The following NEDD9 variants were observed in gnomAD, a reference collection of about 807,000 sequenced individuals.
NEDD9 encodes enhancer of filamentation 1.
In NEDD9, 26 loss-of-function variants were observed where a neutral mutation model predicts 76.6. The observed-to-expected ratio is 0.34, with a 90% confidence interval of 0.25 to 0.47. The LOEUF (loss-of-function observed/expected upper bound fraction) is 0.47. Among genes scored for constraint, NEDD9 ranks in the 20% least tolerant of loss-of-function variants. NEDD9 has a pLI of 1.00. For synonymous variants in NEDD9, 392 were observed against 414.2 expected (o/e 0.95, Z 0.65); for missense variants, 937 against 1,058.5 (o/e 0.89, Z 1.59).
chr6:11,339,486 A>G (rs1762231125), intron 1 of NEDD9, among the ~76,000 whole-genome samples: 1 of 151,970 alleles, frequency 6.6e-6, no homozygotes, highest in Non-Finnish European at 1.5e-5. Context: ...CTCTATGAAA[A>G]CCTACTTTTC....
intron 1 of NEDD9, among the ~76,000 whole-genome samples, chr6:11,354,848 G>A (rs1289967874): frequency 6.6e-6 from 1 of 152,096 alleles, no homozygotes; most frequent in Non-Finnish European, 1.5e-5. Context: ...TTTTACAAAA[G>A]CTACTGGGGA....
At chr6:11,236,702 A>G (rs1396619747), upstream of NEDD9, among the ~76,000 whole-genome samples, 1 of 152,124 alleles carries the variant, frequency 6.6e-6, no homozygotes, top group Admixed American at 6.5e-5. The surrounding 1 kb of genome is among the most constrained non-coding windows in gnomAD (Gnocchi z 5.5). Context: ...TATTCTAATG[A>G]TTTCTTTTTA....
intron 3 of NEDD9, among the ~76,000 whole-genome samples, chr6:11,294,029 GTA>G (rs1372905550): frequency 3.5e-4 from 53 of 152,106 alleles, no homozygotes; most frequent in African/African-American, 1.1e-3. Flanking sequence ...GTGTATGTGT[GTA>G]TGTGTGTGTG....
At chr6:11,351,411 C>T (rs1218719270) in intron 1 of NEDD9, among the ~76,000 whole-genome samples, 1 of 151,994 alleles carries the variant, frequency 6.6e-6, no homozygotes, top group African/African-American at 2.4e-5. Flanking sequence ...GACATATTGC[C>T]CCTGAAAATA....
At chr6:11,264,869 G>GCTTC (rs1554128896) in intron 3 of NEDD9, among the ~76,000 whole-genome samples, 1 of 151,970 alleles carries the variant, frequency 6.6e-6, no homozygotes, top group Non-Finnish European at 1.5e-5. Context: ...TTGTTTGTTT[G>GCTTC]TTTCTTTTTT....
intron 1 of NEDD9, among the ~76,000 whole-genome samples, chr6:11,226,263 T>A (rs9942490): frequency 6.6e-6 from 1 of 151,948 alleles, no homozygotes; most frequent in Admixed American, 6.6e-5. Flanking sequence ...GGGTTTTTTT[T>A]TGTGTGTGTG....
intron 2 of NEDD9, chr6:11,200,208 C>G (rs1262279832): frequency 2.3e-6 from 1 of 431,008 alleles, no homozygotes. Flanking sequence ...AAACCACCCC[C>G]GACTTTGGGT....
chr6:11,290,215 G>A (rs1760735888), intron 3 of NEDD9, among the ~76,000 whole-genome samples: 2 of 152,140 alleles, frequency 1.3e-5, no homozygotes, highest in African/African-American at 2.4e-5. Flanking sequence ...ACATTTGCTC[G>A]GAACTATGAG....
chr6:11,295,708 T>A (rs1283492810), intron 3 of NEDD9, among the ~76,000 whole-genome samples: 1 of 152,106 alleles, frequency 6.6e-6, no homozygotes, highest in Non-Finnish European at 1.5e-5. Context: ...CTTGCTGGGG[T>A]CTTTATCCTG....
rs568536311 is a variant in NEDD9, at chr6:11,228,631, C to T, written c.12+3873G>A. 2.2e-3 allele frequency among the ~76,000 whole-genome samples: 335 copies of T among 151,858 alleles called. 1 individual carries two copies. The highest frequency in any genetic ancestry group is 7.2e-3 in the African/African-American group (298 of 41,378). ...ACTGAATTCTGAGAACAGGGACTGA[C>T]GTGTATCCCAGCAAGGAAAGGATGC... On this transcript the variant is annotated intron_variant, in intron 1 of 6. Coordinates refer to ENST00000379446, the MANE Select transcript of NEDD9 (RefSeq NM_006403.4).
intron 1 of NEDD9, among the ~76,000 whole-genome samples, chr6:11,353,297 A>C (rs1323995959): frequency 1.3e-5 from 2 of 152,228 alleles, no homozygotes; most frequent in Non-Finnish European, 2.9e-5. Flanking sequence ...TGCAGATTTC[A>C]TCAAGTTAAG....
intron 3 of NEDD9, among the ~76,000 whole-genome samples, chr6:11,273,040 G>C (rs1331579843): frequency 6.6e-6 from 1 of 151,960 alleles, no homozygotes; most frequent in Non-Finnish European, 1.5e-5. Context: ...CCGTCACATA[G>C]CTCTGCTTGT....
At chr6:11,325,804 G>T (rs1212609031) in intron 2 of NEDD9, among the ~76,000 whole-genome samples, 1 of 152,158 alleles carries the variant, frequency 6.6e-6, no homozygotes, top group Non-Finnish European at 1.5e-5. Flanking sequence ...ACATTAAAAA[G>T]GAGTCATTTT....
chr6:11,246,973 G>A (rs1051440342), intron 3 of NEDD9, among the ~76,000 whole-genome samples: 12 of 152,034 alleles, frequency 7.9e-5, no homozygotes, highest in African/African-American at 2.7e-4. Context: ...CAAGATAAAG[G>A]CTGCTTGTGA....
Position 11,184,871 on chromosome 6 carries a change from T to G in NEDD9, c.*291A>C. ...TTTAATGAAATGCATCAGACAAACA[T>G]CTACAAACAAACATGAATACATGGG... On this transcript the variant is annotated 3_prime_UTR_variant, in exon 7 of 7. Transcript: ENST00000379446. 3.9e-6 allele frequency: 1 copy of G among 256,624 alleles called. No homozygotes were observed. The highest frequency in any genetic ancestry group is 7.4e-6 in the Non-Finnish European group (1 of 134,770). The allele number at this position is 256,624 out of a possible 1,614,324, so 15.9% of individuals were successfully genotyped here.
chr6:11,195,338 A>C (rs1758264590), intron 2 of NEDD9, among the ~76,000 whole-genome samples: 1 of 152,228 alleles, frequency 6.6e-6, no homozygotes, highest in African/African-American at 2.4e-5. Flanking sequence ...GTTGGCATGG[A>C]GCATACGGAA....
chr6:11,293,100 G>A lies in NEDD9; in HGVS notation c.12+12892C>T, dbSNP rs868624501. 1.5e-4 allele frequency among the ~76,000 whole-genome samples: 23 copies of A among 152,182 alleles called. 2 individuals are homozygous for A. The highest frequency in any genetic ancestry group is 5.1e-4 in the African/African-American group (21 of 41,538). ...CACTTGTAGTTTGTAATCATTCACT[G>A]CCAATGAACTATTTGCTGTAAAAAG... On this transcript the variant is annotated intron_variant, in intron 3 of 3. Coordinates refer to the NEDD9 transcript ENST00000397378.
intron 2 of NEDD9, among the ~76,000 whole-genome samples, chr6:11,204,952 C>T (rs1051416934): frequency 5.9e-5 from 9 of 152,106 alleles, no homozygotes; most frequent in African/African-American, 2.2e-4. Flanking sequence ...TGAGGCTACT[C>T]CCTGGACCTG....
intron 3 of NEDD9, among the ~76,000 whole-genome samples, chr6:11,238,255 G>T (rs1408547308): frequency 6.6e-6 from 1 of 152,212 alleles, no homozygotes; most frequent in East Asian, 1.9e-4. Flanking sequence ...GACTGGAGAA[G>T]TTCTACAGCA....
Sources: allele counts gnomAD v4.1 joint callset (sites outside exome capture counted in the v4.1 genomes callset), GRCh38; gene constraint gnomAD v4.1.1; non-coding constraint Gnocchi (gnomAD v3.1); transcripts MANE v1.5; gene names NCBI Gene and HGNC (gene_info 2026-07-23, HGNC 2026-07-21).